Variants in ATP7B observed in about 807,000 individuals in gnomAD.
ATP7B encodes the protein copper-transporting ATPase 2.
A neutral mutation model predicts 118.9 loss-of-function variants in ATP7B; 113 were observed. That is an observed-to-expected ratio of 0.95 (90% confidence interval 0.82 to 1.11). The LOEUF (loss-of-function observed/expected upper bound fraction) is 1.11, where lower values mean the gene tolerates loss of function less well. ATP7B is among the 50% of genes most tolerant of loss of function. The pLI, the probability that ATP7B is intolerant of heterozygous loss-of-function variation, is 0.00. For missense variants in ATP7B, 1,867 were observed against 1,871.4 expected (o/e 1.00, Z 0.04); for synonymous variants, 777 against 727.4 (o/e 1.07, Z -1.10).
In ATP7B at chr13:51,941,230, C is replaced by G. The variant is rs761435604; in HGVS notation, c.3413-6G>C. 1 of 1,614,082 alleles carries G rather than the reference C, an allele frequency of 6.2e-7. No homozygotes were observed. Among genetic ancestry groups the G allele is most frequent in the Non-Finnish European group, 8.5e-7 (1 of 1,179,986 alleles). On this transcript the variant is annotated splice_polypyrimidine_tract_variant and splice_region_variant and intron_variant, in intron 15 of 20. Coordinates refer to ENST00000242839, the MANE Select transcript of ATP7B (RefSeq NM_000053.4). Reference sequence around the variant, plus strand: ...GAAGGTCTGGGGGACTGCATCTATTCAAAAGAGGCTGTGGTTATTTCTAAA... The same window carrying G: ...GAAGGTCTGGGGGACTGCATCTATTGAAAAGAGGCTGTGGTTATTTCTAAA...
At position 51,933,064 on chromosome 13, in the gene ATP7B, C is replaced by G. The variant is rs1255045548; in HGVS notation, c.*1692G>C. On this transcript the variant is annotated 3_prime_UTR_variant, in exon 21 of 21. Coordinates refer to ENST00000242839, the MANE Select transcript of ATP7B (RefSeq NM_000053.4). Reference sequence around the variant, plus strand: ...CAAAAACTATATGTAAAAAGTGAAACTAACCATCCAAGGTGAAGGTCAGAT... The same window carrying G: ...CAAAAACTATATGTAAAAAGTGAAAGTAACCATCCAAGGTGAAGGTCAGAT... 1 of 152,162 alleles carries G rather than the reference C, an allele frequency of 6.6e-6. No homozygotes were observed. The highest frequency in any genetic ancestry group is 1.5e-5 in the Non-Finnish European group (1 of 68,030). The allele number at this position is 152,162 out of a possible 1,614,324, so 9.4% of individuals were successfully genotyped here.
At position 51,934,893 on chromosome 13, in the gene ATP7B, G is replaced by A; in HGVS notation, c.4261C>T (p.Gln1421Ter). Reference protein sequence around the residue: ...RDSPRATPWDQVSYVSQVSLS... With the variant: ...RDSPRATPWD ...GACACCTGGCTGACATAGCTGACCTGGTCCCATGGTGTGGCCCTGGGGGAG... is the reference window on the plus strand; with the variant it reads ...GACACCTGGCTGACATAGCTGACCTAGTCCCATGGTGTGGCCCTGGGGGAG... Residue 1421 changes from glutamine to a stop codon, truncating the protein, a stop_gained, in exon 21 of 21, where the codon CAG becomes TAG. Transcript: ENST00000242839. LOFTEE classifies it high-confidence loss of function. 1 of 1,614,154 alleles carries A rather than the reference G, an allele frequency of 6.2e-7. No individual in the cohort carries two copies. The highest frequency in any genetic ancestry group is 8.5e-7 in the Non-Finnish European group (1 of 1,180,032).
chr13:51,981,986 G>A (rs1268127441), intron 1 of ATP7B, among the ~76,000 whole-genome samples: 2 of 149,586 alleles, frequency 1.3e-5, no homozygotes, highest in Non-Finnish European at 3.0e-5. Flanking sequence ...AAAACATAAT[G>A]AGATTTTTTT....
At chr13:51,948,377 G>C (rs1406060123) in intron 12 of ATP7B, among the ~76,000 whole-genome samples, 1 of 152,090 alleles carries the variant, frequency 6.6e-6, no homozygotes, top group Non-Finnish European at 1.5e-5. Flanking sequence ...AGCCTCCCAA[G>C]TAGCTGAGTC....
intron 16 of ATP7B, among the ~76,000 whole-genome samples, chr13:51,940,852 G>C (rs558758366): frequency 6.6e-6 from 1 of 152,152 alleles, no homozygotes; most frequent in East Asian, 1.9e-4. Flanking sequence ...AGAATTCCAA[G>C]GTCAAGGAGA....
At chr13:52,010,019 T>C (rs1241455254) in intron 1 of ATP7B, among the ~76,000 whole-genome samples, 1 of 152,110 alleles carries the variant, frequency 6.6e-6, no homozygotes. Context: ...CAGGTCAACA[T>C]GGGCAGGAGC....
chr13:52,005,892 A>G (rs890960565), intron 1 of ATP7B, among the ~76,000 whole-genome samples: 3 of 152,212 alleles, frequency 2.0e-5, no homozygotes, highest in Non-Finnish European at 2.9e-5. Context: ...TCTCTGCAGC[A>G]CTGTGAAATG....
At position 51,949,659 on chromosome 13, in the gene ATP7B, T is replaced by C. The variant is rs1444684639; in HGVS notation, c.2865+3A>G. 6.2e-7 allele frequency: 1 copy of C among 1,613,742 alleles called. No homozygotes were observed. Among genetic ancestry groups the C allele is most frequent in the Admixed American group, 1.7e-5 (1 of 60,018 alleles). ...ACCATATAGCCCAAGGCATTCAACT[T>C]ACAGGAAAGTATCTCTGAACAACAC... On this transcript the variant is annotated splice_donor_region_variant and intron_variant, in intron 12 of 20. Transcript: ENST00000242839.
chr13:51,949,179 CAAAT>C lies in ATP7B; in HGVS notation c.2865+479_2865+482del, dbSNP rs544350693. Among the ~76,000 whole-genome samples the C allele has an allele frequency of 2.3e-3, 346 of 152,096 alleles. 2 individuals are homozygous for C. In the South Asian group the frequency reaches 0.025, roughly 11 times the overall value. ...CGGGAAACAGAGGGAGACTCCATCT[CAAAT>C]AAATAAATAAATAAACAAACAAACA... On this transcript the variant is annotated intron_variant, in intron 12 of 20. Coordinates refer to ENST00000242839, the MANE Select transcript of ATP7B (RefSeq NM_000053.4).
In ATP7B at chr13:51,944,099, G is replaced by C. The variant is rs369120799; in HGVS notation, c.3243+10C>G. 1.9e-6 allele frequency: 3 copies of C among 1,613,948 alleles called. No homozygotes were observed. Among genetic ancestry groups the C allele is most frequent in the Non-Finnish European group, 1.7e-6 (2 of 1,179,998 alleles). ...GCGGGGAGGGCAGGGCCACGCCCAA[G>C]TCCACGTACCTCTTTACAGTATTTG... On this transcript the variant is annotated intron_variant, in intron 14 of 20. Transcript: ENST00000242839.
In ATP7B at chr13:51,992,979, C is replaced by CAAAAA. The variant is rs58319382; in HGVS notation, c.52-17816_52-17812dup. 2.7e-3 allele frequency among the ~76,000 whole-genome samples: 171 copies of CAAAAA among 62,914 alleles called. 9 individuals carry two copies. Among genetic ancestry groups the CAAAAA allele is most frequent in the Non-Finnish European group, 3.4e-3 (129 of 37,892 alleles). 41.3% of individuals were successfully genotyped at this position (62,914 alleles called of 152,430 possible). ...TGGATGACAGAGCAAGACTCTGTCT[C>CAAAAA]AAAAAAAAAAAAAAAAAAAAAAAGA... is the stretch of plus-strand genomic sequence containing the variant. On this transcript the variant is annotated intron_variant, in intron 1 of 20. Transcript: ENST00000242839.
intron 1 of ATP7B, among the ~76,000 whole-genome samples, chr13:51,989,107 G>A (rs1952795321): frequency 6.6e-6 from 1 of 151,988 alleles, no homozygotes; most frequent in African/African-American, 2.4e-5. Context: ...TGACTATGAA[G>A]ACAAACATCA....
Position 51,934,689 on chromosome 13 carries a change from T to A in ATP7B, c.*67A>T. 1 of 1,602,572 alleles carries A rather than the reference T, an allele frequency of 6.2e-7. No individual in the cohort carries two copies. Among genetic ancestry groups the A allele is most frequent in the Non-Finnish European group, 8.5e-7 (1 of 1,177,088 alleles). Reference sequence around the variant, plus strand: ...AGGCTAGCTCAGCCCATCCTGCTGCTGGCTGTCCTGCTCAGCTTGTGGTGA... The same window carrying A: ...AGGCTAGCTCAGCCCATCCTGCTGCAGGCTGTCCTGCTCAGCTTGTGGTGA... On this transcript the variant is annotated 3_prime_UTR_variant, in exon 21 of 21. Coordinates refer to ENST00000242839, the MANE Select transcript of ATP7B (RefSeq NM_000053.4).
chr13:51,999,747 C>T (rs763650333), intron 1 of ATP7B, among the ~76,000 whole-genome samples: 1 of 152,146 alleles, frequency 6.6e-6, no homozygotes, highest in Admixed American at 6.5e-5. Flanking sequence ...TCCAGGCTGG[C>T]TGCCCACACT....
chr13:51,953,322 T>G (rs1243966913), intron 9 of ATP7B, among the ~76,000 whole-genome samples: 1 of 152,112 alleles, frequency 6.6e-6, no homozygotes, highest in African/African-American at 2.4e-5. Flanking sequence ...GCATTCAATT[T>G]AGAAATGAAA....
At chr13:51,936,588 G>A (rs141611903) in intron 19 of ATP7B, among the ~76,000 whole-genome samples, 1 of 152,016 alleles carries the variant, frequency 6.6e-6, no homozygotes, top group African/African-American at 2.4e-5. Context: ...ACAGTGGTGC[G>A]ATCATGGGTC....
chr13:52,008,280 C>T (rs1314556407), intron 1 of ATP7B, among the ~76,000 whole-genome samples: 1 of 152,202 alleles, frequency 6.6e-6, no homozygotes, highest in African/African-American at 2.4e-5. Flanking sequence ...GCACAGGTTG[C>T]AGTGAACCGA....
intron 1 of ATP7B, among the ~76,000 whole-genome samples, chr13:52,007,189 C>T (rs1449697339): frequency 6.6e-6 from 1 of 152,146 alleles, no homozygotes; most frequent in Non-Finnish European, 1.5e-5. Context: ...AAACCCGGTT[C>T]CCATTTCAAG....
At chr13:51,991,640 A>G (rs988243351) in intron 1 of ATP7B, among the ~76,000 whole-genome samples, 38 of 152,278 alleles carry the variant, frequency 2.5e-4, no homozygotes, top group African/African-American at 8.4e-4. Context: ...ACCTCCAACC[A>G]TTTCCCACCT....
Sources: allele counts gnomAD v4.1 joint callset (sites outside exome capture counted in the v4.1 genomes callset), GRCh38; gene constraint gnomAD v4.1.1; transcripts MANE v1.5; gene names NCBI Gene and HGNC (gene_info 2026-07-23, HGNC 2026-07-21).